The following DPYS variants were observed in gnomAD, a reference collection of about 807,000 sequenced individuals.
The protein encoded by DPYS is dihydropyrimidinase, also known as dihydropyrimidine amidohydrolase.
In DPYS, 39 loss-of-function variants were observed where a neutral mutation model predicts 50.3. The observed-to-expected ratio is 0.78, with a 90% CI of 0.60 to 1.01. The LOEUF is 1.01. DPYS is among the 50% of genes least tolerant of loss of function. The pLI is 0.00. For synonymous variants in DPYS, 245 were observed against 250.7 expected (o/e 0.98, Z 0.22); for missense variants, 659 against 680.9 (o/e 0.97, Z 0.36).
intron 1 of DPYS, among the ~76,000 whole-genome samples, chr8:104,455,754 C>T (rs936123549): frequency 2.6e-5 from 4 of 152,090 alleles, no homozygotes; most frequent in Non-Finnish European, 5.9e-5. Context: ...TACCAACACT[C>T]TGCACGAACA....
intron 8 of DPYS, among the ~76,000 whole-genome samples, chr8:104,383,315 C>T (rs112152828): frequency 2.3e-4 from 35 of 152,290 alleles, no homozygotes; most frequent in African/African-American, 7.9e-4. Context: ...GTCTAGGAAG[C>T]TTTGGCCCTC....
In DPYS at chr8:104,395,057, G is replaced by A. The variant is rs74555681; in HGVS notation, c.1236-2066C>T. Among the ~76,000 whole-genome samples, 55 of 151,950 alleles carry A rather than the reference G, an allele frequency of 3.6e-4. No homozygotes were observed. The East Asian group carries it at 0.011, about 29-fold the overall frequency. On this transcript the variant is annotated intron_variant, in intron 7 of 9. Transcript: ENST00000351513. Reference sequence around the variant, plus strand: ...TTGCCTAGGCTGGAAGTACAGTGGTGTGACCATAGCTCACTGCAATCTCTA... The same window carrying A: ...TTGCCTAGGCTGGAAGTACAGTGGTATGACCATAGCTCACTGCAATCTCTA...
intron 7 of DPYS, among the ~76,000 whole-genome samples, chr8:104,408,333 T>C (rs1175626217): frequency 6.6e-6 from 1 of 152,096 alleles, no homozygotes; most frequent in Non-Finnish European, 1.5e-5. Context: ...ACCATTTAAA[T>C]AAAGACACAA....
intron 7 of DPYS, among the ~76,000 whole-genome samples, chr8:104,400,245 T>C (rs1281728217): frequency 6.6e-6 from 1 of 152,168 alleles, no homozygotes; most frequent in African/African-American, 2.4e-5. Context: ...GATAGACACC[T>C]TGTCCTCTGG....
chr8:104,466,794 CG>C lies in DPYS; in HGVS notation c.126del (p.Gly44AlafsTer54). 6.5e-7 allele frequency: 1 copy of C among 1,533,986 alleles called. No individual in the cohort carries two copies. Among genetic ancestry groups the C allele is most frequent in the Non-Finnish European group, 8.7e-7 (1 of 1,145,730 alleles). On this transcript the variant is annotated frameshift_variant, in exon 1 of 10. Coordinates refer to ENST00000351513, the MANE Select transcript of DPYS (RefSeq NM_001385.3). LOFTEE classifies it high-confidence loss of function. Reference sequence around the variant, plus strand: ...ACCCGCAGCCCCGCAGGAGCGCCCCCGGGAGGCAGCAGGTCGTGCCCGAGTG... The same window carrying C: ...ACCCGCAGCCCCGCAGGAGCGCCCCCGGAGGCAGCAGGTCGTGCCCGAGTG... ...VRALGHDLLP[P>X]GGAPAGLRVL...
At chr8:104,408,503 CA>C (rs1812070369) in intron 7 of DPYS, among the ~76,000 whole-genome samples, 2 of 152,096 alleles carry the variant, frequency 1.3e-5, no homozygotes, top group South Asian at 4.2e-4. Flanking sequence ...TTTTTACCTG[CA>C]AAAGTAGCAA....
At chr8:104,429,831 T>C (rs1812891943) in intron 4 of DPYS, 130 bp from the exon 5 acceptor site, 2 of 1,138,252 alleles carry the variant, frequency 1.8e-6, no homozygotes, top group African/African-American at 1.6e-5. Flanking sequence ...AATCCCAAAC[T>C]ATAATTTACT....
intron 1 of DPYS, among the ~76,000 whole-genome samples, chr8:104,465,843 A>C (rs1564119287): frequency 6.6e-6 from 1 of 152,148 alleles, no homozygotes; most frequent in Non-Finnish European, 1.5e-5. Context: ...AGAGAAACCC[A>C]AGCCTACCTT....
At chr8:104,379,973 A>G in intron 9 of DPYS, 130 bp from the exon 10 acceptor site, 1 of 331,508 alleles carries the variant, frequency 3.0e-6, no homozygotes, top group South Asian at 2.4e-5. Flanking sequence ...TGTCATTAAT[A>G]GCATGTTATA....
chr8:104,455,371 G>T (rs541611511), intron 1 of DPYS, among the ~76,000 whole-genome samples: 1 of 152,210 alleles, frequency 6.6e-6, no homozygotes, highest in East Asian at 1.9e-4. Flanking sequence ...ACCATATAAA[G>T]TGGTGGTCCC....
rs1489832519 is a variant in DPYS at position 104,451,258 on chromosome 8, C to A, written c.411G>T (p.Trp137Cys). Reference protein sequence around the residue: ...CDYSLHVAVTWWSDQVKEEMK... With the variant: ...CDYSLHVAVTCWSDQVKEEMK... The stretch of plus-strand genomic sequence containing the variant: ...CCAGGTGCTTTACCTGGTCACTCCA[C>A]CACGTCACTGCCACATGAAGGCTGT... The change falls in exon 2 of 10, where the codon TGG (tryptophan) becomes TGT (cysteine). Residue 137 changes from tryptophan to cysteine, a missense_variant. Coordinates refer to ENST00000351513, the MANE Select transcript of DPYS (RefSeq NM_001385.3). 1.2e-6 allele frequency: 2 copies of A among 1,613,990 alleles called. No homozygotes were observed. Among genetic ancestry groups the A allele is most frequent in the South Asian group, 1.1e-5 (1 of 91,074 alleles).
chr8:104,441,402 C>T (rs1339744078), intron 4 of DPYS, among the ~76,000 whole-genome samples: 1 of 152,068 alleles, frequency 6.6e-6, no homozygotes, highest in Non-Finnish European at 1.5e-5. Flanking sequence ...ATCCCCATAG[C>T]CTGTGAATAT....
chr8:104,391,199 G>T (rs747343261), intron 8 of DPYS, among the ~76,000 whole-genome samples: 1 of 152,036 alleles, frequency 6.6e-6, no homozygotes, highest in Non-Finnish European at 1.5e-5. Flanking sequence ...GAATCCACAA[G>T]TAAAAATTTT....
rs17245780 is a variant in DPYS at position 104,427,796 on chromosome 8, T to C, written c.1092+184A>G. Among the ~76,000 whole-genome samples the C allele has an allele frequency of 8.9e-3, 1,349 of 152,332 alleles. 14 individuals carry two copies. Among genetic ancestry groups the C allele is most frequent in the Middle Eastern group, 0.034 (10 of 294 alleles). On this transcript the variant is annotated intron_variant, in intron 6 of 9. Transcript: ENST00000351513. ...TAAACTATGCAGAGAAGATTATTTC[T>C]TTGCTGATGCTATACTGAGGGATGG... is the stretch of plus-strand genomic sequence containing the variant.
chr8:104,387,327 G>T (rs768143437), intron 8 of DPYS, among the ~76,000 whole-genome samples: 11 of 152,132 alleles, frequency 7.2e-5, no homozygotes, highest in Non-Finnish European at 1.2e-4. Flanking sequence ...GAGAGGGAAA[G>T]ATTTTGAAGC....
At chr8:104,392,635 T>C (rs12675680) in intron 8 of DPYS, 149 bp downstream of exon 8, 152,123 of 986,486 alleles carry the variant, frequency 0.15, 14,700 homozygotes, top group East Asian at 0.37. Flanking sequence ...AACTGGCATC[T>C]CTAATCTCTC....
intron 6 of DPYS, among the ~76,000 whole-genome samples, chr8:104,424,667 T>G (rs1184202179): frequency 6.6e-6 from 1 of 152,214 alleles, no homozygotes; most frequent in Non-Finnish European, 1.5e-5. Context: ...AAAATTGTTA[T>G]AGGTGACAGC....
At chr8:104,444,183 T>C in intron 4 of DPYS, 65 bp downstream of exon 4, 1 of 1,575,792 alleles carries the variant, frequency 6.3e-7, no homozygotes, top group Non-Finnish European at 8.7e-7. Flanking sequence ...AAGCAGAGGC[T>C]ACAGACGTGG....
chr8:104,466,249 A>C (rs1294824923), intron 1 of DPYS, among the ~76,000 whole-genome samples: 6 of 152,162 alleles, frequency 3.9e-5, no homozygotes, highest in Admixed American at 3.9e-4. Context: ...AATGGCTGGA[A>C]GTGCCTACTT....
Sources: allele counts gnomAD v4.1 joint callset (sites outside exome capture counted in the v4.1 genomes callset), GRCh38; gene constraint gnomAD v4.1.1; transcripts MANE v1.5; gene names NCBI Gene and HGNC (gene_info 2026-07-23, HGNC 2026-07-21).